RERE: variants seen among roughly 807,000 people sequenced by gnomAD.
RERE encodes arginine-glutamic acid dipeptide repeats, also known as arginine-glutamic acid dipeptide repeats protein.
In RERE, 40 loss-of-function variants were observed where a neutral mutation model predicts 146.1. The ratio of observed to expected loss-of-function variants is 0.27; its 90% CI spans 0.21 to 0.36. The LOEUF is 0.36. Among genes scored for constraint, RERE ranks in the 10% least tolerant of loss-of-function variants. RERE has a pLI of 1.00. For missense variants in RERE, 1,933 were observed against 2,138.7 expected (o/e 0.90, Z 1.90); for synonymous variants, 1,003 against 866.0 (o/e 1.16, Z -2.78).
At chr1:8,526,122 G>T in intron 7 of RERE, 1 of 1,027,274 alleles carries the variant, frequency 9.7e-7, no homozygotes, top group Non-Finnish European at 1.2e-6. Flanking sequence ...GTGCAGGGAA[G>T]TGGGGCCTTA....
intron 4 of RERE, among the ~76,000 whole-genome samples, chr1:8,576,218 A>G (rs1271055682): frequency 6.7e-6 from 1 of 148,600 alleles, no homozygotes; most frequent in East Asian, 1.9e-4. Context: ...GTTCTAGGGA[A>G]AAAAAAAAAA....
intron 3 of RERE, 35 bp from the exon 4 acceptor site, chr1:8,614,721 A>G: frequency 6.3e-7 from 1 of 1,585,802 alleles, no homozygotes; most frequent in Non-Finnish European, 8.6e-7. Context: ...TAACGTGCCC[A>G]ACGCCCCATC....
chr1:8,388,607 C>T (rs1477423050), intron 12 of RERE, among the ~76,000 whole-genome samples: 2 of 152,224 alleles, frequency 1.3e-5, no homozygotes, highest in African/African-American at 4.8e-5. Context: ...GCGTGAGCCA[C>T]CGCGCCCGGC....
chr1:8,601,736 AACACACACAC>A (rs3082091), intron 4 of RERE, among the ~76,000 whole-genome samples: 39,904 of 140,712 alleles, frequency 0.28, 5,823 homozygotes, highest in African/African-American at 0.39. Flanking sequence ...GTCCAAGGTC[AACACACACAC>A]ACACACACAC....
At chr1:8,497,577 T>C (rs1645062206) in intron 8 of RERE, 48 bp from the exon 9 acceptor site, 4 of 1,604,042 alleles carry the variant, frequency 2.5e-6, no homozygotes, top group Middle Eastern at 1.7e-4. Flanking sequence ...GTATTAATTA[T>C]AAAGAGCTAT....
At chr1:8,582,024 T>C (rs1646372699) in intron 4 of RERE, among the ~76,000 whole-genome samples, 1 of 152,162 alleles carries the variant, frequency 6.6e-6, no homozygotes, top group African/African-American at 2.4e-5. Context: ...TTATAAAATA[T>C]GTAAATTTTC....
chr1:8,456,456 C>T (rs1231992908), intron 11 of RERE, among the ~76,000 whole-genome samples: 2 of 152,158 alleles, frequency 1.3e-5, no homozygotes, highest in Non-Finnish European at 1.5e-5. Context: ...AAAACAAAAA[C>T]GCTTCAATCT....
In RERE at chr1:8,356,142, G is replaced by C. The variant is rs1160623307; in HGVS notation, c.4444C>G (p.Gln1482Glu). The part of the protein sequence containing the change: ...PGTLPNPLLG[Q>E]PPHEHEMLRH... ...AGCATCTCGTGCTCGTGTGGGGGCTGTCCAAGCAGAGGGTTGGGGAGAGTG... is the reference window on the plus strand; with the variant it reads ...AGCATCTCGTGCTCGTGTGGGGGCTCTCCAAGCAGAGGGTTGGGGAGAGTG... The change falls in exon 21 of 23, where the codon CAG (glutamine) becomes GAG (glutamate). Residue 1482 changes from glutamine (Q) to glutamate (E), a missense_variant. Gln to Glu is a conservative substitution (Grantham distance 29). Transcript: ENST00000400908. This position sits in a 1 kb window ranked among gnomAD's most constrained non-coding sequence, Gnocchi z 5.2. 6.6e-7 allele frequency: 1 copy of C among 1,513,316 alleles called. No individual in the cohort carries two copies. Among genetic ancestry groups the C allele is most frequent in the Non-Finnish European group, 8.8e-7 (1 of 1,135,290 alleles). The allele number at this position is 1,513,316 out of a possible 1,614,324, so 93.7% of individuals were successfully genotyped here. A position where few individuals can be genotyped will look rare whatever the true frequency, so the allele number is the denominator to read the frequency against.
Position 8,499,114 on chromosome 1 carries a change from G to A in RERE, c.880-1585C>T, listed in dbSNP as rs1645093235. Among the ~76,000 whole-genome samples the A allele has an allele frequency of 3.9e-5, 6 of 151,940 alleles. No individual in the cohort carries two copies. The South Asian group carries it at 1.2e-3, about 32-fold the overall frequency. Reference sequence around the variant, plus strand: ...TGCCATGACCACCATAACCAGCAGAGACCTGTGAAAAGTCAGATATTTGCA... The same window carrying A: ...TGCCATGACCACCATAACCAGCAGAAACCTGTGAAAAGTCAGATATTTGCA... On this transcript the variant is annotated intron_variant, in intron 8 of 22. Transcript: ENST00000400908.
At chr1:8,413,361 TG>T (rs1643666563) in intron 12 of RERE, among the ~76,000 whole-genome samples, 1 of 152,182 alleles carries the variant, frequency 6.6e-6, no homozygotes, top group South Asian at 2.1e-4. Flanking sequence ...TTGTTGTTGT[TG>T]TTTTTGAGAC....
intron 4 of RERE, among the ~76,000 whole-genome samples, chr1:8,592,107 C>A (rs748490586): frequency 1.3e-5 from 2 of 152,144 alleles, no homozygotes; most frequent in African/African-American, 4.8e-5. Context: ...TGAAAAGGAA[C>A]AAAGAAATAC....
chr1:8,370,781 T>G (rs74049618), intron 12 of RERE, among the ~76,000 whole-genome samples: 3,552 of 152,328 alleles, frequency 0.023, 132 homozygotes, highest in African/African-American at 0.081. Context: ...GCATAGTGTG[T>G]GCTGCAGAGA....
intron 4 of RERE, among the ~76,000 whole-genome samples, chr1:8,588,496 C>G (rs1314295950): frequency 6.6e-6 from 1 of 152,116 alleles, no homozygotes; most frequent in African/African-American, 2.4e-5. Context: ...TGGCCTAGGG[C>G]ATCCCACTGA....
At chr1:8,730,622 C>G (rs554810280) in intron 1 of RERE, among the ~76,000 whole-genome samples, 1 of 152,164 alleles carries the variant, frequency 6.6e-6, no homozygotes, top group African/African-American at 2.4e-5. Context: ...GGATTACAGG[C>G]ATGAGCCACT....
intron 1 of RERE, among the ~76,000 whole-genome samples, chr1:8,777,967 C>A (rs1348572483): frequency 1.3e-5 from 2 of 151,690 alleles, no homozygotes; most frequent in Non-Finnish European, 2.9e-5. Flanking sequence ...TGATACCCTG[C>A]ACAAATTAAT....
intron 1 of RERE, among the ~76,000 whole-genome samples, chr1:8,706,008 A>AG (rs1639552578): frequency 6.7e-6 from 1 of 148,606 alleles, no homozygotes; most frequent in Non-Finnish European, 1.5e-5. Flanking sequence ...CCCAGCTACT[A>AG]GGGAGGCTAA....
intron 1 of RERE, among the ~76,000 whole-genome samples, chr1:8,685,183 T>C (rs908436081): frequency 1.3e-4 from 20 of 152,314 alleles, no homozygotes; most frequent in African/African-American, 4.6e-4. Flanking sequence ...AAGAACTAAT[T>C]TGATGCTTCC....
intron 1 of RERE, among the ~76,000 whole-genome samples, chr1:8,690,522 A>T (rs1639186660): frequency 1.3e-5 from 2 of 152,220 alleles, no homozygotes; most frequent in Non-Finnish European, 2.9e-5. Context: ...TCGAGAGAGA[A>T]AGATAGTTTG....
intron 1 of RERE, among the ~76,000 whole-genome samples, chr1:8,754,663 T>C (rs1365889499): frequency 6.6e-6 from 1 of 152,232 alleles, no homozygotes; most frequent in Non-Finnish European, 1.5e-5. Flanking sequence ...GGTTCTCCAA[T>C]TATGCTGATG....
Sources: gnomAD v4.1 joint callset for allele counts (sites outside exome capture counted in the v4.1 genomes callset) on GRCh38, gnomAD v4.1.1 for gene constraint, Gnocchi (gnomAD v3.1) non-coding constraint, MANE v1.5 for transcripts, NCBI Gene and HGNC (gene_info 2026-07-23, HGNC 2026-07-21) for gene names.